Variants in BAZ2B observed in about 807,000 individuals in gnomAD.
The protein encoded by BAZ2B is bromodomain adjacent to zinc finger domain 2B, also known as bromodomain adjacent to zinc finger domain protein 2B.
Under a neutral mutation model 246.0 loss-of-function variants are expected in BAZ2B, and 91 were observed. The observed-to-expected ratio is 0.37, with a 90% CI of 0.31 to 0.44. BAZ2B has a LOEUF of 0.44. BAZ2B is among the 20% of genes least tolerant of loss of function. The pLI is 1.00. For synonymous variants in BAZ2B, 855 were observed against 860.0 expected, an observed-to-expected ratio of 0.99 and a Z score of 0.10; for missense variants, 2,332 against 2,533.7, an observed-to-expected ratio of 0.92 and a Z score of 1.71.
chr2:159,404,825 G>T, intron 16 of BAZ2B, 24 bp downstream of exon 16: 1 of 1,594,192 alleles, frequency 6.3e-7, no homozygotes, highest in Non-Finnish European at 8.6e-7. Context: ...TATTTTAAAA[G>T]TCACTTCCAA....
intron 2 of BAZ2B, among the ~76,000 whole-genome samples, chr2:159,530,145 G>C (rs908301379): frequency 1.3e-5 from 2 of 152,164 alleles, no homozygotes; most frequent in Admixed American, 1.3e-4. Flanking sequence ...ACACTGGCCT[G>C]CAAAGGACTA....
chr2:159,676,184 C>T, the BAZ2B span, among the ~76,000 whole-genome samples: 2 of 127,142 alleles, frequency 1.6e-5, no homozygotes, highest in Admixed American at 9.1e-5. Flanking sequence ...TGAGCCACCA[C>T]GCCTGGCCTA....
At chr2:159,415,265 T>A (rs544049422) in intron 13 of BAZ2B, among the ~76,000 whole-genome samples, 2 of 151,924 alleles carry the variant, frequency 1.3e-5, no homozygotes, top group South Asian at 2.1e-4. Context: ...GCCAATACAG[T>A]GAAACCCCGT....
chr2:159,337,059 A>G lies in BAZ2B; in HGVS notation c.5679T>C (p.Ala1893=). 6.2e-7 allele frequency: 1 copy of G among 1,613,390 alleles called. No individual in the cohort carries two copies. The highest frequency in any genetic ancestry group is 1.1e-5 in the South Asian group (1 of 91,036). Reference sequence around the variant, plus strand: ...CCCTTCTCCATACCCTGAGCCCTGGAGCAATATCCTCTTCAATTCTGCATT... The same window carrying G: ...CCCTTCTCCATACCCTGAGCCCTGGGGCAATATCCTCTTCAATTCTGCATT... ...NIERRIEEDI[A]PGLRVWRRAL... The change falls in exon 33 of 37, where the codon GCT becomes GCC. Residue 1893 remains alanine, a synonymous_variant. Coordinates refer to ENST00000392783, the MANE Select transcript of BAZ2B (RefSeq NM_013450.4).
intron 1 of BAZ2B, among the ~76,000 whole-genome samples, chr2:159,607,632 A>G (rs553655436): frequency 1.4e-4 from 21 of 152,182 alleles, no homozygotes; most frequent in Non-Finnish European, 2.9e-4. Flanking sequence ...GACCTTGAAA[A>G]GGCAGAACCA....
chr2:159,324,678 ACACACACACACC>A (rs1553472172), intron 36 of BAZ2B, 121 bp downstream of exon 36: 1 of 220,848 alleles, frequency 4.5e-6, no homozygotes. Context: ...ACACACACAC[ACACACACACACC>A]TGCCTCAAAG....
chr2:159,708,585 A>ATTTC, the BAZ2B span, among the ~76,000 whole-genome samples: 105 of 143,388 alleles, frequency 7.3e-4, no homozygotes, highest in African/African-American at 2.4e-3. Context: ...TTATTTCTTT[A>ATTTC]TTTATTTATT....
chr2:159,582,023 C>A (rs865928360), intron 1 of BAZ2B, among the ~76,000 whole-genome samples: 2 of 151,556 alleles, frequency 1.3e-5, no homozygotes, highest in African/African-American at 4.9e-5. Flanking sequence ...ACATATGTAA[C>A]AAACCTGCAC....
intron 13 of BAZ2B, among the ~76,000 whole-genome samples, chr2:159,425,131 T>C (rs1412695295): frequency 2.0e-5 from 3 of 152,222 alleles, no homozygotes; most frequent in Admixed American, 1.3e-4. Context: ...CTCAGTTTTA[T>C]TGAATTACAA....
Position 159,478,712 on chromosome 2 carries a change from G to T in BAZ2B, c.8C>A (p.Ser3Tyr). Residue 3 changes from serine (S) to tyrosine (Y), a missense_variant, in exon 3 of 37, where the codon TCT becomes TAT. Transcript: ENST00000392783. ME[S>Y]GERLPSSAAS... ...TGCTGAGGATGGTAACCGTTCTCCAGACTCCATATCTATGAGAAGGGAAAA... is the reference window on the plus strand; with the variant it reads ...TGCTGAGGATGGTAACCGTTCTCCATACTCCATATCTATGAGAAGGGAAAA... The T allele has an allele frequency of 6.3e-7, 1 of 1,583,152 alleles. No individual in the cohort carries two copies. The highest frequency in any genetic ancestry group is 1.2e-5 in the South Asian group (1 of 85,182).
intron 6 of BAZ2B, 69 bp from the exon 7 acceptor site, chr2:159,439,281 A>C: frequency 7.7e-7 from 1 of 1,291,216 alleles, no homozygotes; most frequent in Non-Finnish European, 1.1e-6. Context: ...TAAAAGGTGT[A>C]CTCTTTTTAA....
At chr2:159,467,847 T>C (rs2077273828) in intron 3 of BAZ2B, among the ~76,000 whole-genome samples, 1 of 152,150 alleles carries the variant, frequency 6.6e-6, no homozygotes. Flanking sequence ...AAGTAAAAAG[T>C]ATGACTTTGT....
chr2:159,656,118 A>G, the BAZ2B span, among the ~76,000 whole-genome samples: 1 of 152,148 alleles, frequency 6.6e-6, no homozygotes, highest in Non-Finnish European at 1.5e-5. Flanking sequence ...GCCTGGACTT[A>G]AAGTTCAGAA....
chr2:159,643,871 C>T, the BAZ2B span, among the ~76,000 whole-genome samples: 12 of 106,926 alleles, frequency 1.1e-4, no homozygotes, highest in African/African-American at 4.2e-4. Flanking sequence ...AGTGAAACTC[C>T]ATCACAAAAA....
intron 2 of BAZ2B, among the ~76,000 whole-genome samples, chr2:159,539,043 G>A (rs190184805): frequency 2.0e-5 from 3 of 152,292 alleles, no homozygotes; most frequent in African/African-American, 7.2e-5. Flanking sequence ...CCTATACTCT[G>A]CTTCAAAACG....
chr2:159,480,182 A>AT (rs2079079487), intron 2 of BAZ2B, among the ~76,000 whole-genome samples: 1 of 152,010 alleles, frequency 6.6e-6, no homozygotes, highest in Admixed American at 6.6e-5. Flanking sequence ...GGAAAAAGCT[A>AT]TTTTTTCTTT....
At chr2:159,683,977 A>G in the BAZ2B span, among the ~76,000 whole-genome samples, 1 of 152,208 alleles carries the variant, frequency 6.6e-6, no homozygotes, top group African/African-American at 2.4e-5. Context: ...CACAGTAGGC[A>G]ACCCCTCTGT....
chr2:159,689,371 CCTTT>C, the BAZ2B span: 1 of 212,180 alleles, frequency 4.7e-6, no homozygotes, highest in Non-Finnish European at 8.1e-6. Flanking sequence ...TTTTTACTTT[CCTTT>C]TTTTTTTTTT....
rs182804741 is a variant in BAZ2B at position 159,613,144 on chromosome 2, T to C, written c.-46+3098A>G. On this transcript the variant is annotated intron_variant, in intron 1 of 36. Transcript: ENST00000392783. Reference sequence around the variant, plus strand: ...TTCAAGTAAAATCAGTATCATAATGTTATGTATAAAACTCAAAAATTAAAA... The same window carrying C: ...TTCAAGTAAAATCAGTATCATAATGCTATGTATAAAACTCAAAAATTAAAA... 2.7e-3 allele frequency among the ~76,000 whole-genome samples: 406 copies of C among 152,268 alleles called. 2 individuals carry two copies. The highest frequency in any genetic ancestry group is 9.2e-3 in the African/African-American group (383 of 41,572).
Sources: gnomAD v4.1 joint callset for allele counts (sites outside exome capture counted in the v4.1 genomes callset) on GRCh38, gnomAD v4.1.1 for gene constraint, MANE v1.5 for transcripts, NCBI Gene and HGNC (gene_info 2026-07-23, HGNC 2026-07-21) for gene names.